Variants in IMMP1L observed in about 807,000 individuals in gnomAD.
IMMP1L encodes the protein inner mitochondrial membrane peptidase subunit 1, also known as mitochondrial inner membrane protease subunit 1.
Under a neutral mutation model 21.8 loss-of-function variants are expected in IMMP1L, and 24 were observed. That is an observed-to-expected ratio of 1.10 (90% CI 0.80 to 1.55). The LOEUF (loss-of-function observed/expected upper bound fraction) is 1.55. Ranked by LOEUF, IMMP1L falls within the 40% of genes most tolerant of loss-of-function variation. The pLI is 0.00. For missense variants in IMMP1L, 195 were observed against 200.7 expected, an observed-to-expected ratio of 0.97 and a Z score of 0.17; for synonymous variants, 46 against 62.8, an observed-to-expected ratio of 0.73 and a Z score of 1.26.
chr11:31,495,649 C>A (rs1324639330), intron 1 of IMMP1L, among the ~76,000 whole-genome samples: 1 of 152,086 alleles, frequency 6.6e-6, no homozygotes, highest in Non-Finnish European at 1.5e-5. Flanking sequence ...TAAGCAAAAA[C>A]GTGGTACTGG....
At chr11:31,475,813 T>A (rs1954708314) in intron 1 of IMMP1L, among the ~76,000 whole-genome samples, 1 of 152,122 alleles carries the variant, frequency 6.6e-6, no homozygotes, top group East Asian at 1.9e-4. Flanking sequence ...TTCAGATGAG[T>A]TTATTTGAGA....
chr11:31,435,557 A>G (rs1278623785), intron 4 of IMMP1L, among the ~76,000 whole-genome samples: 1 of 152,226 alleles, frequency 6.6e-6, no homozygotes, highest in Non-Finnish European at 1.5e-5. Flanking sequence ...CCAATCTAAT[A>G]GATTTTTGCC....
chr11:31,464,261 A>G (rs1954256301), intron 1 of IMMP1L, among the ~76,000 whole-genome samples: 2 of 152,094 alleles, frequency 1.3e-5, no homozygotes. Context: ...TAACTTGCTT[A>G]TTATCATCAC....
intron 1 of IMMP1L, among the ~76,000 whole-genome samples, chr11:31,482,716 T>C (rs940229408): frequency 6.6e-6 from 1 of 151,982 alleles, no homozygotes; most frequent in Non-Finnish European, 1.5e-5. Flanking sequence ...GTTGGAAACA[T>C]GTGGAGCAAC....
At chr11:31,472,706 A>G (rs1320285658) in intron 1 of IMMP1L, among the ~76,000 whole-genome samples, 1 of 152,226 alleles carries the variant, frequency 6.6e-6, no homozygotes, top group African/African-American at 2.4e-5. Flanking sequence ...AAAAGTGAAA[A>G]GCAGCATAAA....
At chr11:31,480,687 A>G (rs1358033716) in intron 1 of IMMP1L, among the ~76,000 whole-genome samples, 4 of 152,090 alleles carry the variant, frequency 2.6e-5, no homozygotes, top group African/African-American at 2.4e-5. Flanking sequence ...CATGCTACTT[A>G]TTTTTAGCCT....
chr11:31,504,818 T>C (rs913555546), intron 1 of IMMP1L, among the ~76,000 whole-genome samples: 51 of 152,194 alleles, frequency 3.4e-4, no homozygotes, highest in Non-Finnish European at 1.5e-5. Context: ...TGGAATCTAA[T>C]AGTTGATCTC....
At chr11:31,437,339 G>A (rs1953158540) in intron 4 of IMMP1L, among the ~76,000 whole-genome samples, 1 of 152,082 alleles carries the variant, frequency 6.6e-6, no homozygotes, top group South Asian at 2.1e-4. Context: ...AAGGAACAAA[G>A]TTTTGACTGT....
At chr11:31,447,706 G>A (rs898804301) in intron 4 of IMMP1L, among the ~76,000 whole-genome samples, 1 of 152,120 alleles carries the variant, frequency 6.6e-6, no homozygotes. Flanking sequence ...ACACTCTAAC[G>A]TCCAGATTGG....
intron 4 of IMMP1L, among the ~76,000 whole-genome samples, chr11:31,445,301 A>G (rs1395218331): frequency 6.6e-6 from 1 of 152,200 alleles, no homozygotes; most frequent in Non-Finnish European, 1.5e-5. Context: ...CAAAAGTTTT[A>G]TTCGTGGCAC....
intron 4 of IMMP1L, among the ~76,000 whole-genome samples, chr11:31,450,487 G>GA (rs1316587544): frequency 6.6e-6 from 1 of 152,114 alleles, no homozygotes; most frequent in Non-Finnish European, 1.5e-5. Context: ...AGAAAGGCCT[G>GA]AAAAATATGC....
intron 4 of IMMP1L, among the ~76,000 whole-genome samples, chr11:31,449,313 T>A (rs1953659045): frequency 6.6e-6 from 1 of 152,122 alleles, no homozygotes; most frequent in African/African-American, 2.4e-5. Flanking sequence ...CTAAGGGAAA[T>A]GACATTTAAA....
At chr11:31,507,273 C>G (rs1201904050) in intron 1 of IMMP1L, among the ~76,000 whole-genome samples, 2 of 149,596 alleles carry the variant, frequency 1.3e-5, no homozygotes, top group Non-Finnish European at 2.9e-5. Context: ...CACCTAGACT[C>G]CGTCTCAGAA....
intron 1 of IMMP1L, among the ~76,000 whole-genome samples, chr11:31,483,956 T>C (rs1954984848): frequency 6.6e-6 from 1 of 151,872 alleles, no homozygotes; most frequent in African/African-American, 2.4e-5. Context: ...ACTTTTTTTC[T>C]TATATTGAAA....
At chr11:31,462,769 T>A (rs1192258055) in intron 2 of IMMP1L, among the ~76,000 whole-genome samples, 1 of 152,212 alleles carries the variant, frequency 6.6e-6, no homozygotes, top group Admixed American at 6.5e-5. Context: ...CTTTCTCAGT[T>A]CATTTCCTCA....
intron 1 of IMMP1L, among the ~76,000 whole-genome samples, chr11:31,471,648 T>G (rs1207842441): frequency 6.6e-6 from 1 of 152,084 alleles, no homozygotes; most frequent in Non-Finnish European, 1.5e-5. Flanking sequence ...ATACTGGTAG[T>G]TTTGTCAGTT....
intron 4 of IMMP1L, among the ~76,000 whole-genome samples, chr11:31,438,731 T>G (rs1017723837): frequency 6.6e-6 from 1 of 152,156 alleles, no homozygotes; most frequent in African/African-American, 2.4e-5. Context: ...CTCCTCTCTA[T>G]TGGATTATTT....
At chr11:31,462,858 A>G (rs1954198850) in intron 2 of IMMP1L, among the ~76,000 whole-genome samples, 1 of 152,220 alleles carries the variant, frequency 6.6e-6, no homozygotes, top group Non-Finnish European at 1.5e-5. Context: ...AACATCAAAC[A>G]TATCCTGAAA....
chr11:31,477,336 T>TA (rs1351341144), intron 1 of IMMP1L: 6 of 155,466 alleles, frequency 3.9e-5, no homozygotes, highest in Admixed American at 2.6e-4. Flanking sequence ...GCCATTCAAT[T>TA]AAAAAAACCA....
Sources: allele counts gnomAD v4.1 joint callset (sites outside exome capture counted in the v4.1 genomes callset), GRCh38; gene constraint gnomAD v4.1.1; transcripts MANE v1.5; gene names NCBI Gene and HGNC (gene_info 2026-07-23, HGNC 2026-07-21).